Variants in ZNF664 observed in about 807,000 individuals in gnomAD.
ZNF664 encodes zinc finger Organ of Corti 1.
In ZNF664, 10 loss-of-function variants were observed where a neutral mutation model predicts 18.2. The observed-to-expected ratio is 0.55, with a 90% CI of 0.34 to 0.93. The LOEUF (loss-of-function observed/expected upper bound fraction) is 0.93. ZNF664 is among the 40% of genes least tolerant of loss of function. The pLI is 0.02. For missense variants in ZNF664, 193 were observed against 319.0 expected (o/e 0.61, Z 3.01); for synonymous variants, 119 against 104.2 (o/e 1.14, Z -0.86).
At chr12:123,989,370 TTCTC>T (rs974531393) in intron 3 of ZNF664, 6 of 152,354 alleles carry the variant, frequency 3.9e-5, no homozygotes, top group Non-Finnish European at 2.9e-5. Context: ...ATGTTCTCTC[TTCTC>T]TCTCTCTTTC....
chr12:123,989,250 A>G (rs1052277340), intron 3 of ZNF664: 4 of 152,594 alleles, frequency 2.6e-5, no homozygotes, highest in African/African-American at 9.7e-5. Context: ...CTGAACGGAA[A>G]GGTCTTGACC....
In ZNF664 at chr12:124,011,830, T is replaced by A; in HGVS notation, c.-315T>A. 2 of 1,161,392 alleles carry A rather than the reference T, an allele frequency of 1.7e-6. No individual in the cohort carries two copies. Among genetic ancestry groups the A allele is most frequent in the Non-Finnish European group, 2.1e-6 (2 of 945,464 alleles). The allele number at this position is 1,161,392 out of a possible 1,614,324, so 71.9% of individuals were successfully genotyped here. On this transcript the variant is annotated 5_prime_UTR_variant, in exon 5 of 5. Coordinates refer to ENST00000337815, the MANE Select transcript of ZNF664 (RefSeq NM_152437.3). ...CTCAAAAACGCAAAGGTTTGCACTT[T>A]GAGAGCCCCTTGGAATGTTGACAAC...
chr12:124,013,764 C>T lies in ZNF664; in HGVS notation c.*834C>T, dbSNP rs1957160530. 6.0e-6 allele frequency: 1 copy of T among 167,104 alleles called. No homozygotes were observed. Among genetic ancestry groups the T allele is most frequent in the Non-Finnish European group, 1.5e-5 (1 of 68,142 alleles). 10.4% of individuals were successfully genotyped at this position (167,104 alleles called of 1,614,324 possible). A position where few individuals can be genotyped will look rare whatever the true frequency, so the allele number is the denominator to read the frequency against. ...TCATCCAGAATTGCCCTCTGGGCTCCTTTGGTAACAGATGGAGCTCCTTCC... is the reference window on the plus strand; with the variant it reads ...TCATCCAGAATTGCCCTCTGGGCTCTTTTGGTAACAGATGGAGCTCCTTCC... On this transcript the variant is annotated 3_prime_UTR_variant, in exon 5 of 5. Coordinates refer to ENST00000337815, the MANE Select transcript of ZNF664 (RefSeq NM_152437.3).
At chr12:123,985,118 G>A (rs1956809002) in intron 2 of ZNF664, among the ~76,000 whole-genome samples, 1 of 152,138 alleles carries the variant, frequency 6.6e-6, no homozygotes, top group Admixed American at 6.5e-5. Context: ...TAGATGCTGT[G>A]GAGGAGCTCA....
chr12:124,012,791 T>G lies in ZNF664; in HGVS notation c.647T>G (p.Ile216Ser), dbSNP rs770247801. ...KAFSQSSSLC[I>S]HQRVHTGEKP... is the part of the protein sequence containing the mutation. The stretch of plus-strand genomic sequence containing the variant: ...TTCAGTCAGAGTTCGAGCCTGTGCA[T>G]CCACCAGAGAGTCCACACAGGAGAG... Residue 216 changes from isoleucine (I) to serine (S), a missense_variant, in exon 5 of 5, where the codon ATC (isoleucine) becomes AGC (serine). This residue lies in a region of ZNF664 where 61 missense variants were observed against 153.7 expected (regional missense o/e 0.40). Transcript: ENST00000337815. 1.2e-6 allele frequency: 2 copies of G among 1,613,518 alleles called. No homozygotes were observed. The highest frequency in any genetic ancestry group is 1.7e-6 in the Non-Finnish European group (2 of 1,179,746).
intron 3 of ZNF664, 119 bp downstream of exon 3, chr12:123,988,257 G>A: frequency 4.4e-6 from 4 of 913,544 alleles, no homozygotes; most frequent in Non-Finnish European, 4.3e-6. Flanking sequence ...CAGTGAGGAA[G>A]CAGCTCTCCG....
At position 124,011,999 on chromosome 12, in the gene ZNF664, A is replaced by G; in HGVS notation, c.-146A>G. 1 of 1,439,844 alleles carries G rather than the reference A, an allele frequency of 6.9e-7. No individual in the cohort carries two copies. The highest frequency in any genetic ancestry group is 9.0e-7 in the Non-Finnish European group (1 of 1,105,688). 89.2% of individuals were successfully genotyped at this position (1,439,844 alleles called of 1,614,324 possible). ...TAGAAAGACAGGCAGGGAAAAGCTT[A>G]GGCTGACCTTAAACTTACCTAATAG... On this transcript the variant is annotated 5_prime_UTR_variant, in exon 5 of 5. Transcript: ENST00000337815.
chr12:123,981,696 T>A (rs185408004), intron 2 of ZNF664, among the ~76,000 whole-genome samples: 2 of 152,338 alleles, frequency 1.3e-5, no homozygotes, highest in East Asian at 1.9e-4. Context: ...AGTGACTGAT[T>A]CAGTTTTGGA....
chr12:124,006,194 T>C (rs997429686), intron 3 of ZNF664: 2 of 152,320 alleles, frequency 1.3e-5, no homozygotes, highest in African/African-American at 4.8e-5. Context: ...GAACATCGAT[T>C]GTAGCTTACC....
At chr12:123,991,807 G>A (rs1487474523) in intron 3 of ZNF664, among the ~76,000 whole-genome samples, 2 of 152,150 alleles carry the variant, frequency 1.3e-5, no homozygotes, top group Non-Finnish European at 2.9e-5. Context: ...TGATCACCCT[G>A]ATAACACATG....
chr12:123,973,244 C>G lies in ZNF664; in HGVS notation c.-1000C>G. On this transcript the variant is annotated 5_prime_UTR_variant, in exon 1 of 5. Transcript: ENST00000337815. ...TGTCCCCCGGAGGCGTCTGGGTGTG[C>G]GGAGCGCGCGCGCGCGCGGCTCGGA... The G allele has an allele frequency of 1.0e-6, 1 of 990,096 alleles. No individual in the cohort carries two copies. The highest frequency in any genetic ancestry group is 1.2e-6 in the Non-Finnish European group (1 of 835,730). 61.3% of individuals were successfully genotyped at this position (990,096 alleles called of 1,614,324 possible). A position where few individuals can be genotyped will look rare whatever the true frequency, so the allele number is the denominator to read the frequency against.
intron 3 of ZNF664, among the ~76,000 whole-genome samples, chr12:124,010,556 T>C (rs1022013138): frequency 3.3e-5 from 5 of 152,198 alleles, no homozygotes; most frequent in Non-Finnish European, 5.9e-5. Context: ...CTTTATCTGC[T>C]CCACCAGAAT....
chr12:124,006,906 G>A (rs1957079429), intron 3 of ZNF664, among the ~76,000 whole-genome samples: 1 of 152,148 alleles, frequency 6.6e-6, no homozygotes, highest in African/African-American at 2.4e-5. Flanking sequence ...AGACATAAGG[G>A]GGAGTCTGGA....
chr12:123,980,275 A>G (rs779814146), intron 2 of ZNF664, among the ~76,000 whole-genome samples: 4 of 152,122 alleles, frequency 2.6e-5, no homozygotes, highest in Non-Finnish European at 5.9e-5. Context: ...TACAATGGGC[A>G]TTTACTTTTG....
intron 2 of ZNF664, among the ~76,000 whole-genome samples, chr12:123,986,927 T>C (rs1163963306): frequency 1.3e-5 from 2 of 152,246 alleles, no homozygotes; most frequent in Non-Finnish European, 2.9e-5. Context: ...GTTGAACCTT[T>C]ATTCCCACAG....
intron 3 of ZNF664, among the ~76,000 whole-genome samples, chr12:124,002,341 C>T (rs1426535954): frequency 6.6e-6 from 1 of 152,164 alleles, no homozygotes; most frequent in East Asian, 1.9e-4. Flanking sequence ...GCTGGGCCAC[C>T]TCCAGCTTGT....
intron 2 of ZNF664, among the ~76,000 whole-genome samples, chr12:123,986,403 C>T (rs1157712243): frequency 2.6e-5 from 4 of 152,200 alleles, no homozygotes; most frequent in Admixed American, 6.5e-5. Flanking sequence ...TCTTTCTCCT[C>T]TTGCTGCCAT....
chr12:123,987,662 T>C (rs1956841087), intron 2 of ZNF664, among the ~76,000 whole-genome samples: 1 of 152,200 alleles, frequency 6.6e-6, no homozygotes, highest in Admixed American at 6.5e-5. Flanking sequence ...GGAAAATCCG[T>C]GAAAAAACAC....
At chr12:123,992,008 C>T (rs551005609) in intron 3 of ZNF664, among the ~76,000 whole-genome samples, 7 of 152,308 alleles carry the variant, frequency 4.6e-5, no homozygotes, top group Admixed American at 4.6e-4. Flanking sequence ...CTAAGTCATG[C>T]AAAGACGAAT....
Sources: allele counts gnomAD v4.1 joint callset (sites outside exome capture counted in the v4.1 genomes callset), GRCh38; gene constraint gnomAD v4.1.1; regional missense constraint gnomAD v4.1.1; transcripts MANE v1.5; gene names NCBI Gene and HGNC (gene_info 2026-07-23, HGNC 2026-07-21).